MYO3A: variants seen among roughly 807,000 people sequenced by gnomAD.
The protein encoded by MYO3A is myosin-IIIa.
In MYO3A, 180 loss-of-function variants were observed where a neutral mutation model predicts 192.7. The ratio of observed to expected loss-of-function variants is 0.93; its 90% CI spans 0.83 to 1.06. MYO3A has a LOEUF of 1.06. Ranked by LOEUF, MYO3A falls within the 50% of genes least tolerant of loss-of-function variation. The pLI is 0.00. For synonymous variants in MYO3A, 628 were observed against 645.3 expected (o/e 0.97, Z 0.41); for missense variants, 1,896 against 1,905.0 (o/e 1.00, Z 0.09).
intron 17 of MYO3A, among the ~76,000 whole-genome samples, chr10:26,100,129 A>C (rs1837340491): frequency 6.6e-6 from 1 of 152,130 alleles, no homozygotes; most frequent in East Asian, 1.9e-4. Flanking sequence ...TTCCTGGTTT[A>C]GTCTTGGGAG....
intron 8 of MYO3A, chr10:26,022,466 A>G (rs1282435355): frequency 6.6e-6 from 1 of 152,238 alleles, no homozygotes; most frequent in Admixed American, 6.5e-5. Flanking sequence ...CTAAATTATT[A>G]TAAGACTAAA....
At chr10:26,164,042 T>C (rs1394217233) in intron 26 of MYO3A, among the ~76,000 whole-genome samples, 1 of 152,204 alleles carries the variant, frequency 6.6e-6, no homozygotes, top group Non-Finnish European at 1.5e-5. Context: ...AAAGGACCTG[T>C]TAGATTTCAC....
intron 26 of MYO3A, among the ~76,000 whole-genome samples, chr10:26,159,501 T>A (rs959656522): frequency 6.6e-6 from 1 of 151,074 alleles, no homozygotes; most frequent in Non-Finnish European, 1.5e-5. Context: ...TGCCTCAGCC[T>A]CCCGAGTAGC....
chr10:26,168,770 A>G lies in MYO3A; in HGVS notation c.3170A>G (p.Asp1057Gly). 6.2e-7 allele frequency: 1 copy of G among 1,613,450 alleles called. No homozygotes were observed. The highest frequency in any genetic ancestry group is 8.5e-7 in the Non-Finnish European group (1 of 1,179,756). ...AATCTAATGCGAAAGGAAGCTATTG[A>G]CAAGCTTATTTTGATTCAAGCTTGT... The part of the protein sequence containing the change: ...QLNLMRKEAI[D>G]KLILIQACVR... Residue 1057 changes from aspartate (D) to glycine (G), a missense_variant, in exon 28 of 35, where the codon GAC becomes GGC. Coordinates refer to ENST00000642920, the MANE Select transcript of MYO3A (RefSeq NM_017433.5).
chr10:25,964,424 A>G (rs1838136099), intron 4 of MYO3A, among the ~76,000 whole-genome samples: 2 of 152,306 alleles, frequency 1.3e-5, no homozygotes, highest in South Asian at 4.1e-4. Flanking sequence ...AGGAATTAAG[A>G]TGAACATATC....
intron 4 of MYO3A, among the ~76,000 whole-genome samples, chr10:25,978,010 T>A (rs1345179386): frequency 2.6e-5 from 4 of 151,578 alleles, no homozygotes; most frequent in Admixed American, 2.6e-4. Flanking sequence ...CTAATGTGAA[T>A]TTTTTTTTAA....
chr10:26,019,604 C>T (rs1310172481), intron 7 of MYO3A, among the ~76,000 whole-genome samples: 1 of 152,216 alleles, frequency 6.6e-6, no homozygotes, highest in African/African-American at 2.4e-5. Flanking sequence ...GCGTGAGCCA[C>T]TGTACCTGGC....
At chr10:26,139,087 C>A (rs1840006891) in intron 20 of MYO3A, among the ~76,000 whole-genome samples, 1 of 152,132 alleles carries the variant, frequency 6.6e-6, no homozygotes. Flanking sequence ...CAATAATACT[C>A]CTAATAATAG....
chr10:26,116,023 T>C (rs1390416366), intron 17 of MYO3A, among the ~76,000 whole-genome samples: 1 of 152,194 alleles, frequency 6.6e-6, no homozygotes, highest in Non-Finnish European at 1.5e-5. Flanking sequence ...TCTCACATAT[T>C]AACAGTTTTA....
intron 8 of MYO3A, 47 bp downstream of exon 8, chr10:26,021,695 C>T: frequency 6.2e-7 from 1 of 1,604,888 alleles, no homozygotes. Context: ...CGATTTACTT[C>T]CTCCAGCCAC....
At chr10:26,204,694 G>A (rs1406277200) in intron 34 of MYO3A, among the ~76,000 whole-genome samples, 3 of 152,186 alleles carry the variant, frequency 2.0e-5, no homozygotes, top group Non-Finnish European at 2.9e-5. Flanking sequence ...TAGAGTTGAT[G>A]GCCTTAACCA....
chr10:26,042,560 ATTCT>A (rs1350174273), intron 10 of MYO3A, among the ~76,000 whole-genome samples: 3 of 152,030 alleles, frequency 2.0e-5, no homozygotes, highest in African/African-American at 4.8e-5. Context: ...AAGCTCACTA[ATTCT>A]TTCTTCTGCT....
chr10:26,133,923 A>G (rs1471482393), intron 20 of MYO3A, among the ~76,000 whole-genome samples: 1 of 152,240 alleles, frequency 6.6e-6, no homozygotes, highest in Non-Finnish European at 1.5e-5. Flanking sequence ...CAGTAATGGA[A>G]AAATAGTTTA....
intron 17 of MYO3A, among the ~76,000 whole-genome samples, chr10:26,106,192 T>C (rs1462556572): frequency 6.6e-6 from 1 of 152,118 alleles, no homozygotes; most frequent in African/African-American, 2.4e-5. Context: ...TTATATTGAA[T>C]TTATATATTA....
intron 15 of MYO3A, among the ~76,000 whole-genome samples, chr10:26,088,795 C>T (rs992981295): frequency 6.6e-6 from 1 of 152,088 alleles, no homozygotes. Flanking sequence ...TCTTTGTATT[C>T]TATTCTTCCT....
At chr10:26,044,572 C>T (rs1015234887) in intron 10 of MYO3A, among the ~76,000 whole-genome samples, 16 of 152,142 alleles carry the variant, frequency 1.1e-4, no homozygotes, top group Admixed American at 2.0e-4. Context: ...GTTGGCCTTG[C>T]GGGAGTCATT....
intron 14 of MYO3A, among the ~76,000 whole-genome samples, chr10:26,071,198 T>C (rs12776584): frequency 0.47 from 72,106 of 151,886 alleles, 17,914 homozygotes; most frequent in Middle Eastern, 0.59. Context: ...AAAGAAAGGA[T>C]GACATACAGA....
At position 26,045,422 on chromosome 10, in the gene MYO3A, C is replaced by A. The variant is rs151139829; in HGVS notation, c.953+18890C>A. On this transcript the variant is annotated intron_variant, in intron 10 of 34. Transcript: ENST00000642920. ...GATAGATAGATAGATAGATAATGTT[C>A]ATTATGTATGTATGAAAACATGCAC... Among the ~76,000 whole-genome samples, 593 of 140,680 alleles carry A rather than the reference C, an allele frequency of 4.2e-3. 3 individuals are homozygous for A. The highest frequency in any genetic ancestry group is 0.015 in the African/African-American group (565 of 38,682). The allele number at this position is 140,680 out of a possible 152,430, so 92.3% of individuals were successfully genotyped here.
intron 4 of MYO3A, among the ~76,000 whole-genome samples, chr10:25,982,728 T>C (rs557930691): frequency 2.6e-5 from 4 of 152,250 alleles, no homozygotes; most frequent in Admixed American, 1.3e-4. Flanking sequence ...AAAAACCCCA[T>C]TCCTAGTGAA....
Sources: allele counts gnomAD v4.1 joint callset (sites outside exome capture counted in the v4.1 genomes callset), GRCh38; gene constraint gnomAD v4.1.1; transcripts MANE v1.5; gene names NCBI Gene and HGNC (gene_info 2026-07-23, HGNC 2026-07-21).